Variants in SYNC observed in about 807,000 individuals in gnomAD.
SYNC encodes the protein syncoilin, intermediate filament protein, also known as syncoilin.
SYNC carries 38 observed loss-of-function variants against 49.5 expected under a neutral mutation model. The ratio of observed to expected loss-of-function variants is 0.77; its 90% CI spans 0.59 to 1.01. SYNC has a LOEUF of 1.01. Ranked by LOEUF, SYNC falls within the 50% of genes least tolerant of loss-of-function variation. SYNC has a pLI of 0.00. For missense variants in SYNC, 579 were observed against 580.6 expected (o/e 1.00, Z 0.03); for synonymous variants, 201 against 230.8 (o/e 0.87, Z 1.17).
intron 4 of SYNC, chr1:32,683,568 C>CA (rs1557867248): frequency 1.3e-5 from 2 of 153,478 alleles, no homozygotes; most frequent in Admixed American, 1.3e-4. Flanking sequence ...CTGACTCAGG[C>CA]GTTTTGGAGG....
chr1:32,702,093 C>T lies in SYNC; in HGVS notation c.53+515G>A, dbSNP rs1253664094. ...CCCTTCCCCCAATAATCAGCCGTGC[C>T]CTGCCAGGAGGGATAGTGGGGAGGG... On this transcript the variant is annotated intron_variant, in intron 1 of 4. Coordinates refer to ENST00000409190, the MANE Select transcript of SYNC (RefSeq NM_030786.3). This position sits in a 1 kb window ranked among gnomAD's most constrained non-coding sequence, Gnocchi z 6.2. Among the ~76,000 whole-genome samples the T allele has an allele frequency of 6.6e-6, 1 of 152,172 alleles. No homozygotes were observed. Among genetic ancestry groups the T allele is most frequent in the Non-Finnish European group, 1.5e-5 (1 of 68,034 alleles).
intron 2 of SYNC, among the ~76,000 whole-genome samples, chr1:32,692,397 A>G (rs1032039868): frequency 6.6e-6 from 1 of 152,160 alleles, no homozygotes; most frequent in Non-Finnish European, 1.5e-5. Context: ...ACTTTTCACT[A>G]GACTGTGAAC....
upstream of SYNC, chr1:32,702,798 T>G: frequency 4.5e-6 from 3 of 666,634 alleles, no homozygotes; most frequent in Non-Finnish European, 5.6e-6. This position sits in a 1 kb window ranked among gnomAD's most constrained non-coding sequence, Gnocchi z 6.2. Flanking sequence ...GCGCGCCCAC[T>G]TGGCCGGGGC....
chr1:32,690,299 A>G (rs1650098012), intron 2 of SYNC, among the ~76,000 whole-genome samples: 1 of 152,228 alleles, frequency 6.6e-6, no homozygotes, highest in African/African-American at 2.4e-5. Context: ...ATCTGAAACC[A>G]TCTTAACCTC....
At chr1:32,689,426 A>G (rs2148553284) in intron 2 of SYNC, among the ~76,000 whole-genome samples, 1 of 150,396 alleles carries the variant, frequency 6.6e-6, no homozygotes, top group Non-Finnish European at 1.5e-5. Flanking sequence ...GTTCTAGCAG[A>G]GACAGGGTTT....
rs777225791 is a variant in SYNC, at chr1:32,681,846, A to G, written c.*4T>C. The G allele has an allele frequency of 6.2e-7, 1 of 1,614,136 alleles. No individual in the cohort carries two copies. Among genetic ancestry groups the G allele is most frequent in the Non-Finnish European group, 8.5e-7 (1 of 1,180,008 alleles). ...TTCCGGGTTACAGATTTGGCCATAT[A>G]TTTCTAAACAGCCCCTGTAAAGTTG... On this transcript the variant is annotated 3_prime_UTR_variant, in exon 5 of 5. Coordinates refer to ENST00000409190, the MANE Select transcript of SYNC (RefSeq NM_030786.3).
chr1:32,698,194 G>A (rs1487671910), intron 1 of SYNC, among the ~76,000 whole-genome samples: 5 of 135,010 alleles, frequency 3.7e-5, no homozygotes, highest in African/African-American at 5.8e-5. Flanking sequence ...CAGCCTGGGC[G>A]ACAGACCGGG....
At position 32,695,566 on chromosome 1, in the gene SYNC, G is replaced by A. The variant is rs557457102; in HGVS notation, c.532C>T (p.Arg178Cys). ...SIEDLELLEGRFQQCVQAVAQ... is the reference protein window; with the variant it reads ...SIEDLELLEGCFQQCVQAVAQ... Reference sequence around the variant, plus strand: ...ACAGCTTGGACACACTGCTGGAAACGCCCCTCTAGCAATTCCAGGTCCTCT... The same window carrying A: ...ACAGCTTGGACACACTGCTGGAAACACCCCTCTAGCAATTCCAGGTCCTCT... The change falls in exon 2 of 5, where the codon CGT becomes TGT. Residue 178 changes from arginine (R) to cysteine (C), a missense_variant. Arg to Cys is a radical substitution (Grantham distance 180). Coordinates refer to ENST00000409190, the MANE Select transcript of SYNC (RefSeq NM_030786.3). 6.1e-5 allele frequency: 95 copies of A among 1,551,378 alleles called. No individual in the cohort carries two copies. The East Asian group carries it at 1.6e-3, about 26-fold the overall frequency.
intron 1 of SYNC, among the ~76,000 whole-genome samples, chr1:32,697,307 G>A (rs1167403283): frequency 6.6e-6 from 1 of 151,584 alleles, no homozygotes; most frequent in Non-Finnish European, 1.5e-5. Flanking sequence ...CGGGCGTGGT[G>A]GTGCATGCCT....
chr1:32,685,983 C>G (rs1649800723), intron 2 of SYNC: 1 of 152,186 alleles, frequency 6.6e-6, no homozygotes, highest in Admixed American at 6.5e-5. Context: ...ACCTCTGTTA[C>G]TCTTCCGTAT....
At chr1:32,690,174 T>C (rs938704367) in intron 2 of SYNC, among the ~76,000 whole-genome samples, 6 of 151,888 alleles carry the variant, frequency 4.0e-5, no homozygotes, top group East Asian at 3.9e-4. Flanking sequence ...TTCCTCTCAA[T>C]AGAGAAAGAT....
At chr1:32,694,353 G>A (rs1397571656) in intron 2 of SYNC, among the ~76,000 whole-genome samples, 1 of 148,012 alleles carries the variant, frequency 6.8e-6, no homozygotes, top group East Asian at 2.1e-4. Flanking sequence ...AGACCCTGTC[G>A]CAAAAAAAAC....
At chr1:32,694,029 G>A (rs1447619205) in intron 2 of SYNC, among the ~76,000 whole-genome samples, 1 of 151,694 alleles carries the variant, frequency 6.6e-6, no homozygotes, top group African/African-American at 2.4e-5. Flanking sequence ...TTGAGCTCAG[G>A]AGTTCAAATC....
intron 1 of SYNC, among the ~76,000 whole-genome samples, chr1:32,697,216 C>T (rs1328330721): frequency 6.7e-6 from 1 of 149,870 alleles, no homozygotes; most frequent in Non-Finnish European, 1.5e-5. Flanking sequence ...CCGAATCAGG[C>T]GGATCACCTG....
At chr1:32,703,552 T>A (rs1239248325), upstream of SYNC, 1 of 152,326 alleles carries the variant, frequency 6.6e-6, no homozygotes, top group Non-Finnish European at 1.5e-5. Flanking sequence ...TTCCCAGACC[T>A]GGGCTTCAGG....
chr1:32,693,039 CA>C (rs1271395580), intron 2 of SYNC, among the ~76,000 whole-genome samples: 1 of 150,560 alleles, frequency 6.6e-6, no homozygotes, highest in Non-Finnish European at 1.5e-5. Context: ...AAAAAACATT[CA>C]GTATTATGAC....
At chr1:32,683,746 C>T (rs1649609174) in intron 4 of SYNC, 1 of 371,428 alleles carries the variant, frequency 2.7e-6, no homozygotes, top group Non-Finnish European at 5.0e-6. Flanking sequence ...GATTCTCCTG[C>T]CTTGGCCTCC....
intron 1 of SYNC, among the ~76,000 whole-genome samples, chr1:32,699,168 TTTTG>T (rs1310840736): frequency 6.8e-6 from 1 of 147,284 alleles, no homozygotes. Flanking sequence ...TTTTTTTTTT[TTTTG>T]AGATGGAGCT....
At chr1:32,693,518 T>G (rs1292773359) in intron 2 of SYNC, among the ~76,000 whole-genome samples, 3 of 152,224 alleles carry the variant, frequency 2.0e-5, no homozygotes, top group Non-Finnish European at 4.4e-5. Context: ...TTTCTAAGTT[T>G]ATCCAAAGGA....
Sources: allele counts gnomAD v4.1 joint callset (sites outside exome capture counted in the v4.1 genomes callset), GRCh38; gene constraint gnomAD v4.1.1; non-coding constraint Gnocchi (gnomAD v3.1); transcripts MANE v1.5; gene names NCBI Gene and HGNC (gene_info 2026-07-23, HGNC 2026-07-21).